The following SLC44A5 variants were observed in gnomAD, a reference collection of about 807,000 sequenced individuals.
SLC44A5 encodes the protein solute carrier family 44 member 5.
Under a neutral mutation model 101.8 loss-of-function variants are expected in SLC44A5, and 57 were observed. The observed-to-expected ratio is 0.56, with a 90% CI of 0.45 to 0.70. The LOEUF (loss-of-function observed/expected upper bound fraction) is 0.70, where lower values mean the gene tolerates loss of function less well. Ranked by LOEUF, SLC44A5 falls within the 30% of genes least tolerant of loss-of-function variation. SLC44A5 has a pLI of 0.00. For missense variants in SLC44A5, 737 were observed against 853.1 expected (o/e 0.86, Z 1.70); for synonymous variants, 281 against 290.9 (o/e 0.97, Z 0.35).
At chr1:75,417,418 T>C (rs1253540981) in intron 2 of SLC44A5, among the ~76,000 whole-genome samples, 1 of 152,232 alleles carries the variant, frequency 6.6e-6, no homozygotes, top group Non-Finnish European at 1.5e-5. Flanking sequence ...CTCAGATATG[T>C]CTTTATCAGC....
chr1:75,414,026 C>T (rs958855274), intron 2 of SLC44A5, among the ~76,000 whole-genome samples: 4 of 152,014 alleles, frequency 2.6e-5, no homozygotes, highest in South Asian at 4.1e-4. Flanking sequence ...AAAAGGGAAC[C>T]GTAATTTTTT....
chr1:75,350,450 T>C (rs374280118), intron 3 of SLC44A5, among the ~76,000 whole-genome samples: 5 of 151,512 alleles, frequency 3.3e-5, no homozygotes, highest in East Asian at 3.9e-4. Context: ...GCAGCCTGAG[T>C]AGGCTAAGAA....
At chr1:75,443,800 T>C (rs79777526) in intron 2 of SLC44A5, among the ~76,000 whole-genome samples, 14,915 of 151,762 alleles carry the variant, frequency 0.098, 905 homozygotes, top group Admixed American at 0.19. Flanking sequence ...ATCATAAACA[T>C]AGATACAAAA....
chr1:75,632,458 A>G, the SLC44A5 span, among the ~76,000 whole-genome samples: 1 of 152,296 alleles, frequency 6.6e-6, no homozygotes, highest in Non-Finnish European at 1.5e-5. Flanking sequence ...TGTTAGAGCA[A>G]GAGAGAACTT....
chr1:75,274,960 A>G lies in SLC44A5; in HGVS notation c.258T>C (p.Asn86=). The change falls in exon 6 of 24, where the codon AAT becomes AAC. Residue 86 remains asparagine, a splice_region_variant and synonymous_variant. Coordinates refer to ENST00000370859, the MANE Select transcript of SLC44A5 (RefSeq NM_001130058.2). ...GHFCGQKGTP[N]ENKTILFYFN... The stretch of plus-strand genomic sequence containing the variant: ...AAAGCAAAGGTGGCCATACTCACTC[A>G]TTGGGAGTGCCCTTCTGGCCACAAA... 5 of 1,611,718 alleles carry G rather than the reference A, an allele frequency of 3.1e-6. No individual in the cohort carries two copies. Among genetic ancestry groups the G allele is most frequent in the Non-Finnish European group, 4.2e-6 (5 of 1,178,754 alleles).
intron 1 of SLC44A5, among the ~76,000 whole-genome samples, chr1:75,577,807 A>G (rs920468219): frequency 3.3e-5 from 5 of 152,158 alleles, no homozygotes; most frequent in Admixed American, 1.3e-4. Flanking sequence ...GACATTACTG[A>G]GTTCAATAAG....
At chr1:75,695,829 T>C in the SLC44A5 span, among the ~76,000 whole-genome samples, 5 of 148,726 alleles carry the variant, frequency 3.4e-5, no homozygotes, top group Admixed American at 6.7e-5. Flanking sequence ...TATTTATATA[T>C]AAATTAAATA....
At chr1:75,680,969 G>A in the SLC44A5 span, among the ~76,000 whole-genome samples, 2 of 150,290 alleles carry the variant, frequency 1.3e-5, no homozygotes, top group East Asian at 1.9e-4. Context: ...TACCATCAGA[G>A]AATACTACAA....
At chr1:75,426,489 CAAG>C (rs1319984775) in intron 2 of SLC44A5, among the ~76,000 whole-genome samples, 1 of 152,176 alleles carries the variant, frequency 6.6e-6, no homozygotes, top group Non-Finnish European at 1.5e-5. Flanking sequence ...ACACAATAGA[CAAG>C]GAAACAAGGA....
At chr1:75,539,297 T>C (rs1671225054) in intron 2 of SLC44A5, among the ~76,000 whole-genome samples, 1 of 151,166 alleles carries the variant, frequency 6.6e-6, no homozygotes, top group South Asian at 2.1e-4. Flanking sequence ...TTAATGTTTT[T>C]ATTCTTTCCA....
At chr1:75,323,030 C>T (rs112502932) in intron 4 of SLC44A5, among the ~76,000 whole-genome samples, 7,082 of 150,540 alleles carry the variant, frequency 0.047, 236 homozygotes, top group Non-Finnish European at 0.068. Flanking sequence ...CATGCTGGTG[C>T]GCTGCACCCA....
rs566882065 is a variant in SLC44A5 at position 75,577,279 on chromosome 1, C to A, written c.-70+33761G>T. On this transcript the variant is annotated intron_variant, in intron 1 of 23. Transcript: ENST00000370859. ...AGTTAGAGGAATCCTGTTAAAATGT[C>A]TTTTCTCAAACCATTCATTAACTTT... Among the ~76,000 whole-genome samples, 3 of 152,296 alleles carry A rather than the reference C, an allele frequency of 2.0e-5. No homozygotes were observed. In the East Asian group the frequency reaches 5.8e-4, roughly 29 times the overall value.
chr1:75,336,060 T>G (rs1570708256), intron 4 of SLC44A5, among the ~76,000 whole-genome samples: 1 of 145,516 alleles, frequency 6.9e-6, no homozygotes, highest in East Asian at 2.4e-4. Context: ...TGTGAGTAAT[T>G]AATGATGAGG....
chr1:75,228,712 G>T (rs528893230), intron 12 of SLC44A5, among the ~76,000 whole-genome samples: 5 of 150,972 alleles, frequency 3.3e-5, no homozygotes, highest in African/African-American at 9.7e-5. Flanking sequence ...CTCTTTTTGA[G>T]CAATCTACTC....
At chr1:75,331,048 T>C (rs1334210988) in intron 4 of SLC44A5, among the ~76,000 whole-genome samples, 1 of 151,460 alleles carries the variant, frequency 6.6e-6, no homozygotes, top group Non-Finnish European at 1.5e-5. Flanking sequence ...CCATGTCCTG[T>C]ACTGATTCTT....
At chr1:75,597,795 A>G (rs1411822041) in intron 1 of SLC44A5, among the ~76,000 whole-genome samples, 2 of 152,202 alleles carry the variant, frequency 1.3e-5, no homozygotes, top group Non-Finnish European at 2.9e-5. Context: ...TTAACTCAAG[A>G]TGGATTAAAG....
At chr1:75,579,848 A>G (rs1417309433) in intron 1 of SLC44A5, among the ~76,000 whole-genome samples, 1 of 61,502 alleles carries the variant, frequency 1.6e-5, no homozygotes, top group African/African-American at 4.9e-5. Context: ...CACACAAACT[A>G]GTCAGCCTAT....
chr1:75,281,619 T>G (rs1652564237), intron 5 of SLC44A5, among the ~76,000 whole-genome samples: 1 of 128,228 alleles, frequency 7.8e-6, no homozygotes, highest in Non-Finnish European at 1.6e-5. Flanking sequence ...GGAAATTGTT[T>G]CCTGGGCTGG....
chr1:75,470,282 A>G (rs1410674360), intron 2 of SLC44A5, among the ~76,000 whole-genome samples: 3 of 152,196 alleles, frequency 2.0e-5, no homozygotes, highest in Non-Finnish European at 4.4e-5. Flanking sequence ...AGTAAAAAAC[A>G]TACTCAAAGA....
Sources: allele counts gnomAD v4.1 joint callset (sites outside exome capture counted in the v4.1 genomes callset), GRCh38; gene constraint gnomAD v4.1.1; transcripts MANE v1.5; gene names NCBI Gene and HGNC (gene_info 2026-07-23, HGNC 2026-07-21).